Variants in PDXDC1 observed in about 807,000 individuals in gnomAD.
PDXDC1 encodes pyridoxal dependent decarboxylase domain containing 1.
In PDXDC1, 42 loss-of-function variants were observed where a neutral mutation model predicts 100.1. That is an observed-to-expected ratio of 0.42 (90% CI 0.33 to 0.54). PDXDC1 has a LOEUF of 0.54. Ranked by LOEUF, PDXDC1 falls within the 20% of genes least tolerant of loss-of-function variation. PDXDC1 has a pLI of 0.10. For missense variants in PDXDC1, 636 were observed against 979.2 expected (o/e 0.65, Z 4.68); for synonymous variants, 260 against 371.7 (o/e 0.70, Z 3.46).
chr16:15,096,139 C>T (rs991079506), intron 16 of PDXDC1, among the ~76,000 whole-genome samples: 3 of 151,598 alleles, frequency 2.0e-5, no homozygotes, highest in Admixed American at 6.6e-5. Flanking sequence ...GACAGAGTCT[C>T]GCTCTGTCAC....
intron 21 of PDXDC1, among the ~76,000 whole-genome samples, 179 bp from the exon 22 acceptor site, chr16:15,035,270 C>T (rs1465357158): frequency 6.6e-6 from 1 of 152,190 alleles, no homozygotes; most frequent in African/African-American, 2.4e-5. Flanking sequence ...GGTACTGGCC[C>T]TGTGAGGTGG....
intron 16 of PDXDC1, chr16:15,131,549 GGGGCTC>G: frequency 6.2e-7 from 1 of 1,606,368 alleles, no homozygotes; most frequent in South Asian, 1.1e-5. Flanking sequence ...GCCAGTGTCA[GGGGCTC>G]CTCGTTGAGC....
chr16:14,989,993 C>A, intron 1 of PDXDC1: 1 of 1,463,568 alleles, frequency 6.8e-7, no homozygotes, highest in Non-Finnish European at 9.0e-7. Context: ...TGGCGCCCGG[C>A]TCACCCCAGG....
chr16:15,070,252 G>A lies in PDXDC1; in HGVS notation c.1399+40196G>A, dbSNP rs758769238. The A allele has an allele frequency of 2.5e-6, 4 of 1,611,288 alleles. No individual in the cohort carries two copies. The South Asian group carries it at 4.4e-5, about 18-fold the overall frequency. ...CAAAAGATCTAGGCATGATTTTACA[G>A]TACTAGAGAAAAGAAAAATTCAAGT... On this transcript the variant is annotated intron_variant, in intron 16 of 16. Transcript: ENST00000535621.
chr16:15,017,694 G>A (rs1455455506), intron 11 of PDXDC1, among the ~76,000 whole-genome samples: 1 of 152,220 alleles, frequency 6.6e-6, no homozygotes, highest in Non-Finnish European at 1.5e-5. Flanking sequence ...ACGTCTTTCT[G>A]TGTTTCTAAT....
chr16:14,988,577 G>T, intron 1 of PDXDC1: 1 of 1,609,080 alleles, frequency 6.2e-7, no homozygotes, highest in South Asian at 1.1e-5. Flanking sequence ...CCACTGGCTC[G>T]TCCAGGCAGC....
chr16:14,998,772 A>G (rs1285176672), intron 3 of PDXDC1, among the ~76,000 whole-genome samples: 1 of 152,254 alleles, frequency 6.6e-6, no homozygotes, highest in African/African-American at 2.4e-5. Flanking sequence ...TTCTTAAACC[A>G]GTGTCTTATC....
intron 7 of PDXDC1, chr16:15,009,248 G>C: frequency 2.9e-6 from 1 of 349,938 alleles, no homozygotes; most frequent in Non-Finnish European, 4.9e-6. Context: ...CAGACATGCA[G>C]GTGATAAATC....
intron 1 of PDXDC1, among the ~76,000 whole-genome samples, chr16:14,978,213 G>C (rs1206576293): frequency 6.6e-6 from 1 of 152,006 alleles, no homozygotes; most frequent in South Asian, 2.1e-4. Flanking sequence ...GAGAGTAGGA[G>C]TAGGGGCTTT....
rs758717864 is a variant in PDXDC1 at position 15,061,812 on chromosome 16, G to A, written c.1399+31756G>A. Reference sequence around the variant, plus strand: ...ACACTACTTGAAGGACTTCGGAAATGCGTGTCAAAGGAGCTTGGTGTGATC... The same window carrying A: ...ACACTACTTGAAGGACTTCGGAAATACGTGTCAAAGGAGCTTGGTGTGATC... On this transcript the variant is annotated intron_variant, in intron 16 of 16. Coordinates refer to the PDXDC1 transcript ENST00000535621. 3 of 1,614,208 alleles carry A rather than the reference G, an allele frequency of 1.9e-6. No homozygotes were observed. In the Admixed American group the frequency reaches 5.0e-5, roughly 27 times the overall value.
chr16:15,102,517 ATG>A (rs1334200302), intron 16 of PDXDC1, among the ~76,000 whole-genome samples: 2 of 150,178 alleles, frequency 1.3e-5, no homozygotes, highest in Non-Finnish European at 3.0e-5. Context: ...GAGAGGAGTC[ATG>A]TGTCACAGGA....
intron 16 of PDXDC1, among the ~76,000 whole-genome samples, chr16:15,053,797 G>C (rs1374380591): frequency 6.6e-6 from 1 of 152,130 alleles, no homozygotes; most frequent in Non-Finnish European, 1.5e-5. Flanking sequence ...TGTAATCCCA[G>C]CTACTTGGGA....
chr16:15,131,982 G>T (rs1485583179), intron 16 of PDXDC1, among the ~76,000 whole-genome samples: 6 of 6,350 alleles, frequency 9.4e-4, no homozygotes, highest in South Asian at 4.6e-3. Flanking sequence ...GGGAGAAGAG[G>T]AGGAGCAGGG....
intron 16 of PDXDC1, chr16:15,130,669 C>T (rs754858534): frequency 1.5e-5 from 22 of 1,444,184 alleles, no homozygotes; most frequent in African/African-American, 5.9e-5. Flanking sequence ...GGCCGGTGGT[C>T]GGCACCCTGG....
At chr16:15,060,835 A>G (rs1333352329) in intron 16 of PDXDC1, 5 of 152,272 alleles carry the variant, frequency 3.3e-5, no homozygotes, top group Admixed American at 6.5e-5. Flanking sequence ...CCTGTTTCCA[A>G]CAAAGAAATT....
intron 13 of PDXDC1, among the ~76,000 whole-genome samples, chr16:15,024,413 T>A (rs2042428567): frequency 7.0e-6 from 1 of 143,258 alleles, no homozygotes; most frequent in Non-Finnish European, 1.5e-5. Context: ...ATTCTTCTGT[T>A]TATTTTTTTT....
At chr16:15,004,045 T>C in intron 4 of PDXDC1, 142 bp from the exon 5 acceptor site, 3 of 817,088 alleles carry the variant, frequency 3.7e-6, no homozygotes, top group Non-Finnish European at 3.9e-6. Context: ...CACCAAACTA[T>C]CACTACTGTT....
rs1422474841 is a variant in PDXDC1 at position 15,036,153 on chromosome 16, A to AC, written c.2246dup (p.Glu750Ter). 1 of 1,614,058 alleles carries AC rather than the reference A, an allele frequency of 6.2e-7. No individual in the cohort carries two copies. The highest frequency in any genetic ancestry group is 1.3e-5 in the African/African-American group (1 of 74,940). ...GCAGATCACCCTCGAGGCCAGCAGC[A>AC]CTGAGGGACACCCAGGGGCTCCCAG... is the stretch of plus-strand genomic sequence containing the variant. On this transcript the variant is annotated frameshift_variant, in exon 23 of 23. Coordinates refer to ENST00000396410, the MANE Select transcript of PDXDC1 (RefSeq NM_015027.4). LOFTEE classifies it low-confidence loss of function (END_TRUNC).
chr16:15,088,986 A>G (rs954644684), intron 16 of PDXDC1, among the ~76,000 whole-genome samples: 4 of 152,070 alleles, frequency 2.6e-5, no homozygotes, highest in African/African-American at 9.7e-5. Context: ...GATTCTGGGT[A>G]AATGCATCTA....
Sources: gnomAD v4.1 joint callset for allele counts (sites outside exome capture counted in the v4.1 genomes callset) on GRCh38, gnomAD v4.1.1 for gene constraint, MANE v1.5 for transcripts, NCBI Gene and HGNC (gene_info 2026-07-23, HGNC 2026-07-21) for gene names.